The following SYN3 variants were observed in gnomAD, a reference collection of about 807,000 sequenced individuals.
SYN3 encodes synapsin III, also known as synapsin-3.
Under a neutral mutation model 65.8 loss-of-function variants are expected in SYN3, and 35 were observed. That is an observed-to-expected ratio of 0.53 (90% CI 0.41 to 0.70). The LOEUF is 0.70. SYN3 is among the 30% of genes least tolerant of loss of function. The pLI is 0.00. For missense variants in SYN3, 680 were observed against 749.0 expected (o/e 0.91, Z 1.08); for synonymous variants, 270 against 292.9 (o/e 0.92, Z 0.80).
At position 32,821,389 on chromosome 22, in the gene SYN3, G is replaced by A. The variant is rs184882193; in HGVS notation, c.711+43526C>T. ...ATCTGCACTTGCTCTTCTGCTAACC[G>A]CTAAGGTGTCATCAGTGCTGTGCTA... On this transcript the variant is annotated intron_variant, in intron 6 of 13. Coordinates refer to ENST00000358763, the MANE Select transcript of SYN3 (RefSeq NM_003490.4). 6.6e-5 allele frequency among the ~76,000 whole-genome samples: 10 copies of A among 152,308 alleles called. No homozygotes were observed. The East Asian group carries it at 1.7e-3, about 26-fold the overall frequency.
intron 6 of SYN3, among the ~76,000 whole-genome samples, chr22:32,737,604 T>C (rs2061351476): frequency 6.6e-6 from 1 of 152,218 alleles, no homozygotes; most frequent in Non-Finnish European, 1.5e-5. Context: ...CTGAGAATGA[T>C]GGTTTCCAGC....
chr22:33,009,184 T>C (rs542913303), intron 1 of SYN3, among the ~76,000 whole-genome samples: 1 of 152,116 alleles, frequency 6.6e-6, no homozygotes, highest in Non-Finnish European at 1.5e-5. Flanking sequence ...TAAGTGTATG[T>C]CTAAATAAGA....
At chr22:32,698,498 C>G (rs2060768028) in intron 6 of SYN3, among the ~76,000 whole-genome samples, 1 of 152,202 alleles carries the variant, frequency 6.6e-6, no homozygotes, top group South Asian at 2.1e-4. Flanking sequence ...GGAAGCCCCA[C>G]ATTCCAAACC....
chr22:32,585,900 ATATGTGTATG>A (rs1353309396), intron 7 of SYN3, among the ~76,000 whole-genome samples: 1 of 62,198 alleles, frequency 1.6e-5, no homozygotes, highest in Non-Finnish European at 3.3e-5. Context: ...ATATACGTAT[ATATGTGTATG>A]TATACATATA....
intron 1 of SYN3, among the ~76,000 whole-genome samples, chr22:33,053,098 C>T (rs2054198057): frequency 6.6e-6 from 1 of 152,162 alleles, no homozygotes; most frequent in South Asian, 2.1e-4. Flanking sequence ...AACAATGGCT[C>T]CATATCCCAA....
intron 3 of SYN3, among the ~76,000 whole-genome samples, chr22:32,971,248 C>T (rs1235193991): frequency 6.6e-6 from 1 of 152,194 alleles, no homozygotes; most frequent in Non-Finnish European, 1.5e-5. Flanking sequence ...ACTCACTTCT[C>T]TAATGAGTTA....
At chr22:32,969,213 T>C (rs1202145898) in intron 3 of SYN3, among the ~76,000 whole-genome samples, 1 of 152,126 alleles carries the variant, frequency 6.6e-6, no homozygotes, top group African/African-American at 2.4e-5. Context: ...TCATCTCCAG[T>C]GCAGGTGCTG....
chr22:33,034,033 A>G (rs2053806096), intron 1 of SYN3, among the ~76,000 whole-genome samples: 1 of 151,754 alleles, frequency 6.6e-6, no homozygotes, highest in African/African-American at 2.4e-5. Context: ...TAGAAGTACA[A>G]AAATTAGCCC....
At chr22:32,976,563 C>T (rs1251162224) in intron 3 of SYN3, among the ~76,000 whole-genome samples, 1 of 152,132 alleles carries the variant, frequency 6.6e-6, no homozygotes, top group Non-Finnish European at 1.5e-5. Context: ...AGAAAAAGAC[C>T]CTTTGCCTCA....
intron 6 of SYN3, among the ~76,000 whole-genome samples, chr22:32,663,962 G>T (rs1370885283): frequency 2.0e-5 from 3 of 152,082 alleles, no homozygotes; most frequent in African/African-American, 4.8e-5. Flanking sequence ...TTGAAAAAGG[G>T]ATCCTGCAAA....
In SYN3 at chr22:32,508,278, G is replaced by T. The variant is rs542998105; in HGVS notation, c.*5414C>A. 5.3e-5 allele frequency among the ~76,000 whole-genome samples: 8 copies of T among 152,096 alleles called. No homozygotes were observed. The highest frequency in any genetic ancestry group is 1.0e-4 in the Non-Finnish European group (7 of 68,020). Reference sequence around the variant, plus strand: ...TAAATTTCCTTCTTCTGGCTCAGAAGCTCCCGCACTGAGCACCTTGTGACC... The same window carrying T: ...TAAATTTCCTTCTTCTGGCTCAGAATCTCCCGCACTGAGCACCTTGTGACC... On this transcript the variant is annotated 3_prime_UTR_variant, in exon 14 of 14. Transcript: ENST00000358763.
intron 6 of SYN3, among the ~76,000 whole-genome samples, chr22:32,658,427 G>T (rs1250732857): frequency 6.6e-6 from 1 of 152,236 alleles, no homozygotes; most frequent in African/African-American, 2.4e-5. Flanking sequence ...TCCTCCTGGA[G>T]ACTGGGCCTT....
chr22:32,752,643 C>G (rs1472212501), intron 6 of SYN3, among the ~76,000 whole-genome samples: 2 of 152,224 alleles, frequency 1.3e-5, no homozygotes, highest in Non-Finnish European at 2.9e-5. Flanking sequence ...CACCCTCCCA[C>G]CACCCCAGAA....
chr22:32,703,355 C>T (rs1295278544), intron 6 of SYN3, among the ~76,000 whole-genome samples: 1 of 152,110 alleles, frequency 6.6e-6, no homozygotes, highest in Non-Finnish European at 1.5e-5. Context: ...AGAGTTTTGC[C>T]TGGCCGGGCG....
rs770664068 is a variant in SYN3, at chr22:33,006,397, T to G, written c.266A>C (p.Gln89Pro). The G allele has an allele frequency of 6.2e-7, 1 of 1,614,062 alleles. No homozygotes were observed. Among genetic ancestry groups the G allele is most frequent in the South Asian group, 1.1e-5 (1 of 91,086 alleles). The part of the protein sequence containing the change: ...EPPGPSTPIV[Q>P]RPRILLVIDD... ...GATCACCAACAGGATCCTGGGTCTT[T>G]GAACAATGGGCGTGGAGGGACCTGG... The change falls in exon 2 of 14, where the codon CAA becomes CCA. Residue 89 changes from glutamine to proline, a missense_variant. Gln to Pro is a moderately conservative substitution (Grantham distance 76). Coordinates refer to ENST00000358763, the MANE Select transcript of SYN3 (RefSeq NM_003490.4).
chr22:32,824,277 C>CAAAA (rs130288), intron 6 of SYN3, among the ~76,000 whole-genome samples: 17 of 133,166 alleles, frequency 1.3e-4, no homozygotes, highest in South Asian at 1.0e-3. Flanking sequence ...GACTCCATCT[C>CAAAA]AAAAAAAAAA....
At chr22:32,782,347 C>T (rs966406672) in intron 6 of SYN3, among the ~76,000 whole-genome samples, 1 of 151,834 alleles carries the variant, frequency 6.6e-6, no homozygotes. Flanking sequence ...GGATTACAGG[C>T]GTGTGCCACC....
intron 1 of SYN3, among the ~76,000 whole-genome samples, chr22:33,031,495 A>C (rs1394892599): frequency 6.6e-6 from 1 of 151,820 alleles, no homozygotes; most frequent in Non-Finnish European, 1.5e-5. Context: ...CACTGGACAA[A>C]GGCAGCTCTC....
chr22:32,986,426 T>C (rs1359378193), intron 2 of SYN3, among the ~76,000 whole-genome samples: 1 of 152,150 alleles, frequency 6.6e-6, no homozygotes, highest in African/African-American at 2.4e-5. Flanking sequence ...CTCTGGAATG[T>C]TTACTGCAGG....
Sources: gnomAD v4.1 joint callset for allele counts (sites outside exome capture counted in the v4.1 genomes callset) on GRCh38, gnomAD v4.1.1 for gene constraint, MANE v1.5 for transcripts, NCBI Gene and HGNC (gene_info 2026-07-23, HGNC 2026-07-21) for gene names.